The following MYCBP2 variants were observed in gnomAD, a reference collection of about 807,000 sequenced individuals.
The protein encoded by MYCBP2 is E3 ubiquitin-protein ligase MYCBP2.
Under a neutral mutation model 525.3 loss-of-function variants are expected in MYCBP2, and 120 were observed. The ratio of observed to expected loss-of-function variants is 0.23; its 90% CI spans 0.20 to 0.27. The LOEUF (loss-of-function observed/expected upper bound fraction) is 0.27. Among genes scored for constraint, MYCBP2 ranks in the 10% least tolerant of loss-of-function variants. The pLI is 1.00. For synonymous variants in MYCBP2, 1,894 were observed against 1,955.8 expected, an observed-to-expected ratio of 0.97 and a Z score of 0.83; for missense variants, 4,149 against 5,657.1, an observed-to-expected ratio of 0.73 and a Z score of 8.55.
intron 52 of MYCBP2, among the ~76,000 whole-genome samples, chr13:77,128,574 TA>T (rs1246117371): frequency 6.6e-6 from 1 of 151,850 alleles, no homozygotes; most frequent in Non-Finnish European, 1.5e-5. Context: ...GAAAAGGTAA[TA>T]AAACTATATT....
rs183021518 is a variant in MYCBP2, at chr13:77,303,203, C to T, written c.303-6529G>A. 4.5e-3 allele frequency among the ~76,000 whole-genome samples: 680 copies of T among 152,222 alleles called. 4 individuals are homozygous for T. The highest frequency in any genetic ancestry group is 7.1e-3 in the Non-Finnish European group (482 of 68,008). ...CAAAAATTAGCCGGGCGTGGTGGCA[C>T]GCACCTGTAATCCCAGCTACTCAGG... On this transcript the variant is annotated intron_variant, in intron 1 of 82. Transcript: ENST00000544440.
chr13:77,201,973 A>G (rs2062644830), intron 26 of MYCBP2, among the ~76,000 whole-genome samples: 1 of 152,204 alleles, frequency 6.6e-6, no homozygotes, highest in Non-Finnish European at 1.5e-5. Flanking sequence ...CTAACATCAT[A>G]ATTAAAGGAA....
intron 5 of MYCBP2, 33 bp from the exon 6 acceptor site, chr13:77,270,571 C>A: frequency 6.4e-7 from 1 of 1,560,218 alleles, no homozygotes; most frequent in Non-Finnish European, 8.7e-7. Context: ...AATGAAAAAA[C>A]ATTTTTAAAT....
At chr13:77,079,757 T>C (rs751911426) in intron 65 of MYCBP2, among the ~76,000 whole-genome samples, 27 of 152,170 alleles carry the variant, frequency 1.8e-4, no homozygotes, top group Non-Finnish European at 2.2e-4. Context: ...AATCTGAATA[T>C]CTAAAACCAG....
chr13:77,185,071 T>C (rs2060601505), intron 32 of MYCBP2, 32 bp downstream of exon 32: 1 of 1,595,856 alleles, frequency 6.3e-7, no homozygotes, highest in African/African-American at 1.3e-5. Context: ...ATATATCAGA[T>C]TTTCAACTAA....
intron 3 of MYCBP2, among the ~76,000 whole-genome samples, chr13:77,285,560 G>A (rs2076636168): frequency 1.3e-5 from 2 of 152,208 alleles, no homozygotes; most frequent in African/African-American, 4.8e-5. Flanking sequence ...GCCAAGGTGG[G>A]TAGATCACCT....
Position 77,239,014 on chromosome 13 carries a change from G to C in MYCBP2, c.2629+4045C>G, listed in dbSNP as rs541044859. Reference sequence around the variant, plus strand: ...GCATGCCTATAATCCCAGCTACTCGGGAGGCCGAGGCAGGAGAATCGCTTG... The same window carrying C: ...GCATGCCTATAATCCCAGCTACTCGCGAGGCCGAGGCAGGAGAATCGCTTG... On this transcript the variant is annotated intron_variant, in intron 17 of 82. Coordinates refer to ENST00000544440, the MANE Select transcript of MYCBP2 (RefSeq NM_015057.5). Among the ~76,000 whole-genome samples, 19 of 152,246 alleles carry C rather than the reference G, an allele frequency of 1.2e-4. No individual in the cohort carries two copies. In the South Asian group the frequency reaches 3.9e-3, roughly 32 times the overall value.
intron 1 of MYCBP2, among the ~76,000 whole-genome samples, chr13:77,302,121 T>C (rs190858510): frequency 2.3e-4 from 35 of 151,932 alleles, no homozygotes; most frequent in African/African-American, 8.4e-4. Context: ...GAAAAAAGAA[T>C]GGAACAAAAG....
chr13:77,287,243 T>C (rs1427703112), intron 3 of MYCBP2, among the ~76,000 whole-genome samples: 1 of 146,604 alleles, frequency 6.8e-6, no homozygotes, highest in Non-Finnish European at 1.5e-5. Flanking sequence ...CGGAGTGCAA[T>C]GGCATGATCT....
intron 30 of MYCBP2, among the ~76,000 whole-genome samples, chr13:77,188,100 G>A (rs2060919862): frequency 1.3e-5 from 2 of 151,324 alleles, no homozygotes; most frequent in South Asian, 4.2e-4. Context: ...AAAGGTCTGG[G>A]AAGATACACA....
chr13:77,294,114 A>ATATATATATATATATATG (rs1555465600), intron 2 of MYCBP2, among the ~76,000 whole-genome samples: 1 of 55,404 alleles, frequency 1.8e-5, no homozygotes, highest in East Asian at 4.9e-4. Context: ...CTATATATAT[A>ATATATATATATATATATG]TATATATATA....
rs766283613 is a variant in MYCBP2 at position 77,061,307 on chromosome 13, AT to A, written c.12904-7del. Reference sequence around the variant, plus strand: ...TCTTCTTCTTCTTTGAAGACCTATTATTTCATTAAAGAACAGGGAAAAATAT... The same window carrying A: ...TCTTCTTCTTCTTTGAAGACCTATTATTCATTAAAGAACAGGGAAAAATAT... On this transcript the variant is annotated splice_region_variant and splice_polypyrimidine_tract_variant and intron_variant, in intron 75 of 82. Transcript: ENST00000544440. The A allele has an allele frequency of 6.3e-7, 1 of 1,593,856 alleles. No homozygotes were observed. Among genetic ancestry groups the A allele is most frequent in the Non-Finnish European group, 8.5e-7 (1 of 1,172,962 alleles).
At chr13:77,242,687 GGTC>G (rs1567025570) in intron 17 of MYCBP2, among the ~76,000 whole-genome samples, 1 of 152,112 alleles carries the variant, frequency 6.6e-6, no homozygotes, top group African/African-American at 2.4e-5. Flanking sequence ...TTTGTTCCAC[GGTC>G]AAATAGATGA....
chr13:77,219,850 A>C (rs749056066), intron 20 of MYCBP2, among the ~76,000 whole-genome samples: 1 of 152,170 alleles, frequency 6.6e-6, no homozygotes, highest in African/African-American at 2.4e-5. Flanking sequence ...ACTTCTAGGA[A>C]GTCCATGAGT....
Position 77,210,729 on chromosome 13 carries a change from T to C in MYCBP2, c.3416+438A>G, listed in dbSNP as rs535135735. On this transcript the variant is annotated intron_variant, in intron 23 of 82. Coordinates refer to ENST00000544440, the MANE Select transcript of MYCBP2 (RefSeq NM_015057.5). ...TAATAATAATTATGAGAACAAAAAATAGAATGAATTCTATACAATATAAAC... is the reference window on the plus strand; with the variant it reads ...TAATAATAATTATGAGAACAAAAAACAGAATGAATTCTATACAATATAAAC... 9.2e-5 allele frequency among the ~76,000 whole-genome samples: 14 copies of C among 152,278 alleles called. No homozygotes were observed. The South Asian group carries it at 2.9e-3, about 32-fold the overall frequency.
chr13:77,095,892 G>A (rs73239462), intron 57 of MYCBP2, among the ~76,000 whole-genome samples: 3,388 of 151,902 alleles, frequency 0.022, 58 homozygotes, highest in Middle Eastern at 0.078. Context: ...ATTTCAGTGC[G>A]TGTATTCAGT....
intron 1 of MYCBP2, among the ~76,000 whole-genome samples, chr13:77,301,836 A>G (rs546407269): frequency 1.3e-5 from 2 of 152,312 alleles, no homozygotes; most frequent in East Asian, 3.9e-4. Context: ...GCAATTGGCA[A>G]TTTTCAACAT....
chr13:77,310,534 A>T (rs117360108), intron 1 of MYCBP2, among the ~76,000 whole-genome samples: 1 of 152,316 alleles, frequency 6.6e-6, no homozygotes, highest in East Asian at 1.9e-4. Flanking sequence ...ATAAAGTCTA[A>T]GTTATTTACT....
intron 40 of MYCBP2, 30 bp from the exon 41 acceptor site, chr13:77,166,584 A>G (rs1171622858): frequency 4.1e-6 from 6 of 1,478,094 alleles, no homozygotes; most frequent in Non-Finnish European, 5.6e-6. Flanking sequence ...TGACATGAAT[A>G]CAGATATATA....
Sources: gnomAD v4.1 joint callset for allele counts (sites outside exome capture counted in the v4.1 genomes callset) on GRCh38, gnomAD v4.1.1 for gene constraint, MANE v1.5 for transcripts, NCBI Gene and HGNC (gene_info 2026-07-23, HGNC 2026-07-21) for gene names.